BCL7C: variants seen among roughly 807,000 people sequenced by gnomAD.
BCL7C encodes the protein B-cell CLL/lymphoma 7 protein family member C.
In BCL7C, 8 loss-of-function variants were observed where a neutral mutation model predicts 26.2. The ratio of observed to expected loss-of-function variants is 0.30; its 90% CI spans 0.18 to 0.55. The LOEUF (loss-of-function observed/expected upper bound fraction) is 0.55. BCL7C is among the 20% of genes least tolerant of loss of function. The pLI is 0.93. For missense variants in BCL7C, 262 were observed against 298.5 expected (o/e 0.88, Z 0.90); for synonymous variants, 90 against 116.5 (o/e 0.77, Z 1.47).
intron 5 of BCL7C, among the ~76,000 whole-genome samples, chr16:30,863,140 A>G (rs2054792818): frequency 6.6e-6 from 1 of 151,274 alleles, no homozygotes; most frequent in African/African-American, 2.4e-5. Context: ...ACTTCCCCAT[A>G]TTTCCTTCTT....
At chr16:30,866,555 CAA>C (rs2054831045) in intron 5 of BCL7C, among the ~76,000 whole-genome samples, 2 of 116,448 alleles carry the variant, frequency 1.7e-5, no homozygotes, top group South Asian at 6.2e-4. Flanking sequence ...CCAGCCTGGC[CAA>C]AATAGCGAGA....
At chr16:30,850,096 GC>G (rs920956758) in intron 5 of BCL7C, among the ~76,000 whole-genome samples, 72 of 151,830 alleles carry the variant, frequency 4.7e-4, no homozygotes, top group African/African-American at 1.6e-3. Context: ...TGTAGTCCCA[GC>G]TACTCAGGAG....
At chr16:30,863,210 G>A (rs1053842998) in intron 5 of BCL7C, among the ~76,000 whole-genome samples, 1 of 152,066 alleles carries the variant, frequency 6.6e-6, no homozygotes, top group East Asian at 1.9e-4. Flanking sequence ...AGGCCTAATC[G>A]CCACTCACCA....
rs2054690341 is a variant in BCL7C, at chr16:30,853,047, T to G, written c.529-17899A>C. On this transcript the variant is annotated intron_variant, in intron 5 of 5. Coordinates refer to the BCL7C transcript ENST00000380317. ...GCCTCCTGTGTTCAAGCGATTCTCC[T>G]GTCTCTGCCTCCCGAGTAGCTGGGA... 3.9e-5 allele frequency among the ~76,000 whole-genome samples: 6 copies of G among 152,014 alleles called. No individual in the cohort carries two copies. In the South Asian group the frequency reaches 1.2e-3, roughly 32 times the overall value.
exon 6 of BCL7C, chr16:30,835,058 G>C (rs1376010654): frequency 6.5e-7 from 1 of 1,548,586 alleles, no homozygotes; most frequent in Non-Finnish European, 8.7e-7. Flanking sequence ...ACATTTGTCC[G>C]GAGGCCCCTC....
downstream of BCL7C, among the ~76,000 whole-genome samples, chr16:30,885,413 C>CT (rs976698363): frequency 0.025 from 3,591 of 141,742 alleles, 124 homozygotes; most frequent in African/African-American, 0.079. Context: ...GTGGCTTTTT[C>CT]TTTTTTTTTT....
chr16:30,887,696 C>T (rs191800612), downstream of BCL7C: 2 of 1,180,024 alleles, frequency 1.7e-6, no homozygotes, highest in South Asian at 1.7e-5. Context: ...GGAAGGTCCT[C>T]TCAGAGCCTC....
At chr16:30,844,028 CGA>C (rs2054618206) in intron 5 of BCL7C, among the ~76,000 whole-genome samples, 1 of 114,252 alleles carries the variant, frequency 8.8e-6, no homozygotes, top group Non-Finnish European at 1.6e-5. Context: ...GGCGACAAAG[CGA>C]GACTCTGCCT....
At chr16:30,845,554 G>A (rs1030035631) in intron 5 of BCL7C, among the ~76,000 whole-genome samples, 9 of 152,214 alleles carry the variant, frequency 5.9e-5, no homozygotes, top group African/African-American at 2.2e-4. Context: ...ATTTCTAGGA[G>A]GTCTCATTTG....
intron 5 of BCL7C, among the ~76,000 whole-genome samples, chr16:30,870,270 G>A (rs2054871141): frequency 6.6e-6 from 1 of 152,178 alleles, no homozygotes; most frequent in Non-Finnish European, 1.5e-5. Context: ...CCAAAGGAGT[G>A]AGACTTCTTT....
In BCL7C at chr16:30,835,070, TG is replaced by T. The variant is rs2054561366; in HGVS notation, c.606del (p.Arg203GlyfsTer51). 8 of 1,547,782 alleles carry T rather than the reference TG, an allele frequency of 5.2e-6. No individual in the cohort carries two copies. In the South Asian group the frequency reaches 9.5e-5, roughly 18 times the overall value. On this transcript the variant is annotated frameshift_variant, in exon 6 of 6. Transcript: ENST00000380317. LOFTEE classifies it high-confidence loss of function. Reference sequence around the variant, plus strand: ...CGGACATTTGTCCGGAGGCCCCTCCTGGGCAGGAGCCTCCTGAGGGGCTCTG... The same window carrying T: ...CGGACATTTGTCCGGAGGCCCCTCCTGGCAGGAGCCTCCTGAGGGGCTCTG...
Position 30,834,951 on chromosome 16 carries a change from C to T in BCL7C, c.726G>A (p.Arg242=). 6.5e-7 allele frequency: 1 copy of T among 1,531,850 alleles called. No homozygotes were observed. Among genetic ancestry groups the T allele is most frequent in the East Asian group, 2.5e-5 (1 of 40,468 alleles). The allele number at this position is 1,531,850 out of a possible 1,614,324, so 94.9% of individuals were successfully genotyped here. A position where few individuals can be genotyped will look rare whatever the true frequency, so the allele number is the denominator to read the frequency against. ...TTGGCTTGCTTGGGGAGCCCACTCA[C>T]CTCCCCTTACCCTGGGGGATTGTTC... The change falls in exon 6 of 6, where the codon AGG becomes AGA. Residue 242 remains arginine, a synonymous_variant. Coordinates refer to the BCL7C transcript ENST00000380317. The surrounding 1 kb of genome is among the most constrained non-coding windows in gnomAD (Gnocchi z 4.3).
intron 5 of BCL7C, chr16:30,840,757 C>T (rs938078690): frequency 6.6e-6 from 1 of 152,198 alleles, no homozygotes; most frequent in East Asian, 1.9e-4. Context: ...GGGAAGCAAA[C>T]ATGTCCTTGT....
chr16:30,865,259 A>G (rs1238740863), intron 5 of BCL7C, among the ~76,000 whole-genome samples: 2 of 151,870 alleles, frequency 1.3e-5, no homozygotes, highest in Non-Finnish European at 2.9e-5. Context: ...ACCCATAAGA[A>G]CTAATGATAA....
intron 5 of BCL7C, among the ~76,000 whole-genome samples, chr16:30,865,755 C>A (rs1487277991): frequency 1.9e-5 from 2 of 102,680 alleles, no homozygotes; most frequent in African/African-American, 7.8e-5. Context: ...GAGATGGAGT[C>A]TTGTTCTGTC....
chr16:30,835,297 A>G, intron 5 of BCL7C: 1 of 705,170 alleles, frequency 1.4e-6, no homozygotes, highest in Non-Finnish European at 2.2e-6. Flanking sequence ...TTTTGAGAGC[A>G]GGCAGAGGGT....
chr16:30,862,533 C>T (rs1479917830), intron 5 of BCL7C, among the ~76,000 whole-genome samples: 2 of 151,926 alleles, frequency 1.3e-5, no homozygotes, highest in East Asian at 3.9e-4. Flanking sequence ...TTTGTAGTTC[C>T]CCCTACAAAT....
At chr16:30,866,640 A>AC (rs2054832496) in intron 5 of BCL7C, among the ~76,000 whole-genome samples, 1 of 152,098 alleles carries the variant, frequency 6.6e-6, no homozygotes, top group African/African-American at 2.4e-5. Context: ...CCAAAGTTAA[A>AC]GAAAAAAAAA....
At chr16:30,843,397 C>A (rs2054614471) in intron 5 of BCL7C, among the ~76,000 whole-genome samples, 1 of 151,780 alleles carries the variant, frequency 6.6e-6, no homozygotes, top group South Asian at 2.1e-4. Context: ...CTTGTCTCTA[C>A]TAAAAATGAA....
Sources: gnomAD v4.1 joint callset for allele counts (sites outside exome capture counted in the v4.1 genomes callset) on GRCh38, gnomAD v4.1.1 for gene constraint, Gnocchi (gnomAD v3.1) non-coding constraint, MANE v1.5 for transcripts, NCBI Gene and HGNC (gene_info 2026-07-23, HGNC 2026-07-21) for gene names.